Variants in CTCF observed in about 807,000 individuals in gnomAD.
CTCF encodes the protein CCCTC-binding factor, also known as transcriptional repressor CTCF.
Under a neutral mutation model 72.3 loss-of-function variants are expected in CTCF, and 7 were observed. That is an observed-to-expected ratio of 0.10 (90% CI 0.06 to 0.18). The LOEUF is 0.18. CTCF is among the 10% of genes least tolerant of loss of function. The pLI, the probability that CTCF is intolerant of heterozygous loss-of-function variation, is 1.00. For synonymous variants in CTCF, 374 were observed against 315.8 expected (o/e 1.18, Z -1.95); for missense variants, 516 against 949.1 (o/e 0.54, Z 6.00).
rs749650039 is a variant in CTCF at position 67,611,248 on chromosome 16, A to C, written c.416A>C (p.Glu139Ala). The change falls in exon 3 of 12, where the codon GAA (glutamate) becomes GCA (alanine). Residue 139 changes from glutamate to alanine, a missense_variant. By Grantham distance (107) the Glu-to-Ala change is moderately radical. Around this residue, in one of 7 missense-constraint regions of CTCF, gnomAD observed 148 missense variants for 194.9 expected, o/e 0.76. Coordinates refer to ENST00000264010, the MANE Select transcript of CTCF (RefSeq NM_006565.4). ...GTAGAAGAACTTCAGGGGGCTTATG[A>C]AAATGAAGTGTCTAAAGAGGGCCTT... ...TSVEELQGAY[E>A]NEVSKEGLAE... The C allele has an allele frequency of 3.5e-5, 57 of 1,614,090 alleles. No homozygotes were observed. The highest frequency in any genetic ancestry group is 4.8e-5 in the Non-Finnish European group (57 of 1,180,048).
chr16:67,622,970 C>CT (rs1158481710), intron 7 of CTCF, among the ~76,000 whole-genome samples: 3 of 149,152 alleles, frequency 2.0e-5, no homozygotes, highest in South Asian at 2.1e-4. Context: ...CCCTCACTTG[C>CT]TTTTTTTTGT....
chr16:67,629,533 GGTAA>G lies in CTCF; in HGVS notation c.1837+3_1837+6del. On this transcript the variant is annotated splice_donor_variant and splice_donor_region_variant and intron_variant, in intron 10 of 11. Coordinates refer to ENST00000264010, the MANE Select transcript of CTCF (RefSeq NM_006565.4). LOFTEE classifies it high-confidence loss of function. The stretch of plus-strand genomic sequence containing the variant: ...TAAGAAAGAAGATTCCTCTGACAGT[GGTAA>G]GTGACTTGTTCCTTGATTTGCTTAC... The G allele has an allele frequency of 6.2e-7, 1 of 1,612,700 alleles. No individual in the cohort carries two copies. The highest frequency in any genetic ancestry group is 8.5e-7 in the Non-Finnish European group (1 of 1,179,550).
intron 5 of CTCF, among the ~76,000 whole-genome samples, chr16:67,617,523 T>C (rs115705813): frequency 0.033 from 4,930 of 150,340 alleles, 124 homozygotes; most frequent in South Asian, 0.06. Flanking sequence ...AATAAATAAA[T>C]AAATAAATAT....
rs1327643844 is a variant in CTCF, at chr16:67,610,367, T to C, written c.-9-457T>C. ...TTCTTTTTCTTTTTTTTTTTTTTTT[T>C]TTTGAGATGGAGTCTTGCTCTGTCC... is the stretch of plus-strand genomic sequence containing the variant. On this transcript the variant is annotated intron_variant, in intron 2 of 11. Coordinates refer to ENST00000264010, the MANE Select transcript of CTCF (RefSeq NM_006565.4). Among the ~76,000 whole-genome samples the C allele has an allele frequency of 8.0e-5, 12 of 149,432 alleles. No homozygotes were observed. The East Asian group carries it at 2.3e-3, about 29-fold the overall frequency.
intron 8 of CTCF, 25 bp downstream of exon 8, chr16:67,626,740 T>C: frequency 7.2e-7 from 1 of 1,387,352 alleles, no homozygotes; most frequent in East Asian, 2.6e-5. Context: ...TGAAAGTTGT[T>C]GGTGCTTTCT....
At chr16:67,597,314 G>A (rs865954707) in intron 2 of CTCF, among the ~76,000 whole-genome samples, 8 of 151,838 alleles carry the variant, frequency 5.3e-5, no homozygotes, top group Non-Finnish European at 7.4e-5. Context: ...AATTACAGGC[G>A]TAAGTCTCTG....
In CTCF at chr16:67,628,266, C is replaced by G; in HGVS notation, c.1519-104C>G. 4.9e-6 allele frequency: 5 copies of G among 1,013,378 alleles called. No homozygotes were observed. In the South Asian group the frequency reaches 7.8e-5, roughly 16 times the overall value. 62.8% of individuals were successfully genotyped at this position (1,013,378 alleles called of 1,614,324 possible). ...TCAACAAGCCGTGTGGAGTCTAGACCTAGCTTGGGTGAGAAATACCTGTTG... is the reference window on the plus strand; with the variant it reads ...TCAACAAGCCGTGTGGAGTCTAGACGTAGCTTGGGTGAGAAATACCTGTTG... On this transcript the variant is annotated intron_variant, in intron 8 of 11. Coordinates refer to ENST00000264010, the MANE Select transcript of CTCF (RefSeq NM_006565.4).
At chr16:67,612,908 A>G (rs1335150278) in intron 4 of CTCF, among the ~76,000 whole-genome samples, 1 of 152,240 alleles carries the variant, frequency 6.6e-6, no homozygotes, top group Non-Finnish European at 1.5e-5. Flanking sequence ...ACTGCACTCC[A>G]GCCTGGGCGA....
intron 2 of CTCF, among the ~76,000 whole-genome samples, chr16:67,602,037 T>C (rs2051899036): frequency 6.6e-6 from 1 of 151,988 alleles, no homozygotes; most frequent in South Asian, 2.1e-4. Flanking sequence ...CTAATTTTCG[T>C]ATTTTTAGTA....
At position 67,611,943 on chromosome 16, in the gene CTCF, G is replaced by C. The variant is rs765830499; in HGVS notation, c.782-8G>C. ...CTGCAGCAAGTAAGTGTTTTATTTT[G>C]CACATAGGTGTAAAGAAGACATTCC... is the stretch of plus-strand genomic sequence containing the variant. On this transcript the variant is annotated splice_polypyrimidine_tract_variant and splice_region_variant and intron_variant, in intron 3 of 11. Transcript: ENST00000264010. 3.1e-6 allele frequency: 5 copies of C among 1,612,672 alleles called. No individual in the cohort carries two copies. The highest frequency in any genetic ancestry group is 4.2e-6 in the Non-Finnish European group (5 of 1,178,854).
intron 10 of CTCF, among the ~76,000 whole-genome samples, chr16:67,635,205 A>G (rs1181941431): frequency 6.6e-6 from 1 of 151,554 alleles, no homozygotes; most frequent in Admixed American, 6.6e-5. Flanking sequence ...GTATTTTAGT[A>G]GAGACAGGGT....
intron 1 of CTCF, among the ~76,000 whole-genome samples, chr16:67,569,821 G>T (rs2051389858): frequency 6.6e-6 from 1 of 151,848 alleles, no homozygotes. Context: ...GAATAGCTGG[G>T]ATTACAGGCG....
intron 7 of CTCF, 141 bp downstream of exon 7, chr16:67,621,732 A>C: frequency 1.9e-6 from 1 of 528,456 alleles, no homozygotes; most frequent in Non-Finnish European, 3.2e-6. Flanking sequence ...GTTTAGTAAA[A>C]GCCATTGCTT....
intron 2 of CTCF, among the ~76,000 whole-genome samples, chr16:67,594,945 G>T (rs796198965): frequency 3.2e-4 from 49 of 152,266 alleles, no homozygotes; most frequent in African/African-American, 1.0e-3. Flanking sequence ...GACTTGAGCT[G>T]GGAAGGGACA....
chr16:67,582,150 G>C (rs1438094715), intron 2 of CTCF, among the ~76,000 whole-genome samples: 1 of 151,450 alleles, frequency 6.6e-6, no homozygotes, highest in Admixed American at 6.6e-5. Context: ...AACGGAGCTT[G>C]CAGTGAGCCG....
At position 67,629,746 on chromosome 16, in the gene CTCF, C is replaced by CTTTTTTTTTTTT. The variant is rs71145978; in HGVS notation, c.1837+248_1837+259dup. Among the ~76,000 whole-genome samples the CTTTTTTTTTTTT allele has an allele frequency of 2.2e-4, 14 of 63,364 alleles. 6 individuals are homozygous for CTTTTTTTTTTTT. The highest frequency in any genetic ancestry group is 2.9e-4 in the Non-Finnish European group (10 of 34,120). The allele number at this position is 63,364 out of a possible 152,430, so 41.6% of individuals were successfully genotyped here. ...TCGTGGCATTCCGCTCATTAATGCC[C>CTTTTTTTTTTTT]TTTTTTTTTTTTTTTTTTTTTTTTT... On this transcript the variant is annotated intron_variant, in intron 10 of 11. Coordinates refer to ENST00000264010, the MANE Select transcript of CTCF (RefSeq NM_006565.4).
At chr16:67,580,974 G>A (rs894570304) in intron 2 of CTCF, among the ~76,000 whole-genome samples, 4 of 151,374 alleles carry the variant, frequency 2.6e-5, no homozygotes, top group Non-Finnish European at 4.4e-5. Context: ...TTTCGCCCAC[G>A]CGGGAGTGCA....
At chr16:67,567,890 C>CTTTTTTTTTT (rs55719441) in intron 1 of CTCF, 1 of 55,410 alleles carries the variant, frequency 1.8e-5, no homozygotes, top group African/African-American at 9.6e-5. Flanking sequence ...CCATACTCGG[C>CTTTTTTTTTT]TTTTTTTTTT....
intron 2 of CTCF, among the ~76,000 whole-genome samples, chr16:67,577,444 T>A (rs1567593318): frequency 6.6e-6 from 1 of 151,724 alleles, no homozygotes; most frequent in African/African-American, 2.4e-5. Flanking sequence ...TCTTTTTTTT[T>A]TTTTATTTTT....
Sources: allele counts gnomAD v4.1 joint callset (sites outside exome capture counted in the v4.1 genomes callset), GRCh38; gene constraint gnomAD v4.1.1; regional missense constraint gnomAD v4.1.1; transcripts MANE v1.5; gene names NCBI Gene and HGNC (gene_info 2026-07-23, HGNC 2026-07-21).